SFTPD: variants seen among roughly 807,000 people sequenced by gnomAD.
SFTPD encodes surfactant protein D.
SFTPD carries 18 observed loss-of-function variants against 34.6 expected under a neutral mutation model. That is an observed-to-expected ratio of 0.52 (90% CI 0.36 to 0.77). The LOEUF is 0.77. Among genes scored for constraint, SFTPD ranks in the 30% least tolerant of loss-of-function variants. The probability of loss-of-function intolerance (pLI) is 0.00; values close to 1 mark genes in which losing one functional copy is unlikely to be tolerated. For synonymous variants in SFTPD, 155 were observed against 180.9 expected (o/e 0.86, Z 1.15); for missense variants, 433 against 468.9 (o/e 0.92, Z 0.71).
intron 1 of SFTPD, among the ~76,000 whole-genome samples, chr10:79,975,318 A>C (rs7476563): frequency 0.67 from 101,113 of 151,940 alleles, 34,670 homozygotes; most frequent in African/African-American, 0.84. Context: ...GGTAAATAAA[A>C]CTGCTCTGTA....
At chr10:79,975,593 C>G (rs959801548) in intron 1 of SFTPD, among the ~76,000 whole-genome samples, 3 of 152,122 alleles carry the variant, frequency 2.0e-5, no homozygotes, top group African/African-American at 7.2e-5. Context: ...CCAGCTCAGT[C>G]GGGGAGACCC....
chr10:79,947,388 T>G (rs1215665324), intron 1 of SFTPD, among the ~76,000 whole-genome samples: 1 of 152,052 alleles, frequency 6.6e-6, no homozygotes, highest in Non-Finnish European at 1.5e-5. Flanking sequence ...CTGAGAGGGT[T>G]TGGAAAAGAA....
chr10:79,952,018 G>C (rs1049317683), upstream of SFTPD, among the ~76,000 whole-genome samples: 1 of 152,202 alleles, frequency 6.6e-6, no homozygotes, highest in African/African-American at 2.4e-5. Flanking sequence ...CCTTGTCCCG[G>C]AGCTTGTGAC....
At position 79,942,454 on chromosome 10, in the gene SFTPD, G is replaced by C. The variant is rs17878336; in HGVS notation, c.367C>G (p.Leu123Val). The change falls in exon 4 of 8, where the codon CTG (leucine) becomes GTG (valine). Residue 123 changes from leucine (L) to valine (V), a missense_variant. By Grantham distance (32) the Leu-to-Val change is conservative (BLOSUM62 1). Transcript: ENST00000372292. ...VPGPAGREGPLGKQGNIGPQG... is the reference protein window; with the variant it reads ...VPGPAGREGPVGKQGNIGPQG... ...GGTCCTATGTTCCCCTGCTTCCCCA[G>C]GGGACCTTCTCTTCCAGCTGGACCA... 0.034 allele frequency: 54,526 copies of C among 1,613,350 alleles called. 1,112 individuals are homozygous for C. The highest frequency in any genetic ancestry group is 0.04 in the Non-Finnish European group (46,845 of 1,179,412).
chr10:79,963,495 GC>G (rs1842786867), intron 1 of SFTPD, among the ~76,000 whole-genome samples: 1 of 152,080 alleles, frequency 6.6e-6, no homozygotes, highest in South Asian at 2.1e-4. Flanking sequence ...TAGCATAAGT[GC>G]TAATTCTAAA....
intron 1 of SFTPD, 25 bp downstream of exon 1, chr10:79,949,041 A>G (rs1243016970): frequency 6.6e-6 from 1 of 152,240 alleles, no homozygotes; most frequent in Non-Finnish European, 1.5e-5. Context: ...GAAAATAAAA[A>G]GAAGGCAAGA....
Position 79,966,861 on chromosome 10 carries a change from T to A in SFTPD, c.36+15714A>T, listed in dbSNP as rs573446328. ...AGGGAATCCTTTCCCCATTGCTTGT[T>A]TTTCTCAGGTTTGTCTTTGAAAACT... On this transcript the variant is annotated intron_variant, in intron 1 of 5. Coordinates refer to the SFTPD transcript ENST00000444384. 1.1e-4 allele frequency among the ~76,000 whole-genome samples: 16 copies of A among 147,872 alleles called. 2 individuals are homozygous for A. The highest frequency in any genetic ancestry group is 4.1e-4 in the African/African-American group (16 of 39,256).
chr10:79,954,092 T>C (rs1274682150), upstream of SFTPD, among the ~76,000 whole-genome samples: 2 of 152,218 alleles, frequency 1.3e-5, no homozygotes, highest in Non-Finnish European at 2.9e-5. Context: ...ATTGCCTTTC[T>C]GTGTTCTCCT....
At chr10:79,940,679 G>C (rs1842601795) in intron 7 of SFTPD, 26 bp downstream of exon 7, 1 of 1,467,854 alleles carries the variant, frequency 6.8e-7, no homozygotes, top group Admixed American at 1.7e-5. Flanking sequence ...CCAGTGCTGG[G>C]TCCAGGTTCA....
Position 79,962,846 on chromosome 10 carries a change from A to G in SFTPD, c.37-16184T>C, listed in dbSNP as rs199802535. Among the ~76,000 whole-genome samples, 3 of 152,246 alleles carry G rather than the reference A, an allele frequency of 2.0e-5. No individual in the cohort carries two copies. In the East Asian group the frequency reaches 5.8e-4, roughly 29 times the overall value. ...ACCCACTCTTTTTTAGAGCAGTATA[A>G]TTTTGCCTGGTGTAAATTTATCAAA... On this transcript the variant is annotated intron_variant, in intron 1 of 5. Coordinates refer to the SFTPD transcript ENST00000444384.
chr10:79,946,785 G>A (rs894232597), intron 1 of SFTPD, 123 bp from the exon 2 acceptor site: 4 of 838,746 alleles, frequency 4.8e-6, no homozygotes, highest in Non-Finnish European at 7.5e-6. Flanking sequence ...CTGCTATGGG[G>A]CCTAGAGCAG....
chr10:79,942,191 C>T (rs1356550485), intron 4 of SFTPD, 121 bp from the exon 5 acceptor site: 11 of 795,016 alleles, frequency 1.4e-5, no homozygotes, highest in Non-Finnish European at 2.3e-5. Context: ...GGGAGACTCT[C>T]CTTGCTTTCT....
chr10:79,949,856 ATT>A (rs5786427), upstream of SFTPD, among the ~76,000 whole-genome samples: 36 of 146,174 alleles, frequency 2.5e-4, no homozygotes, highest in East Asian at 4.0e-4. Context: ...GTCTGTATGT[ATT>A]TTTTTTTTTT....
chr10:79,979,238 T>A lies in SFTPD; in HGVS notation c.36+3337A>T, dbSNP rs185045666. On this transcript the variant is annotated intron_variant, in intron 1 of 5. Coordinates refer to the SFTPD transcript ENST00000444384. ...AAAACAATAAAACATTGATAAAAAA[T>A]TGAATCAGGAAGCAGAGCAAGATGG... Among the ~76,000 whole-genome samples the A allele has an allele frequency of 9.2e-4, 140 of 152,108 alleles. 1 individual carries two copies. Among genetic ancestry groups the A allele is most frequent in the African/African-American group, 3.1e-3 (129 of 41,494 alleles).
At chr10:79,956,757 C>A (rs1423411527) in intron 1 of SFTPD, among the ~76,000 whole-genome samples, 1 of 152,204 alleles carries the variant, frequency 6.6e-6, no homozygotes, top group African/African-American at 2.4e-5. Context: ...ATAGCAGTAA[C>A]CTCTGCAGAC....
chr10:79,951,974 G>C (rs916007824), upstream of SFTPD, among the ~76,000 whole-genome samples: 1 of 152,232 alleles, frequency 6.6e-6, no homozygotes, highest in African/African-American at 2.4e-5. Flanking sequence ...CACATCCTGG[G>C]AAGGCAGGAA....
At chr10:79,951,586 A>G (rs933637689), upstream of SFTPD, among the ~76,000 whole-genome samples, 28 of 152,246 alleles carry the variant, frequency 1.8e-4, no homozygotes, top group African/African-American at 6.8e-4. Flanking sequence ...GGGGCTGGGA[A>G]TGTGGAAGTC....
chr10:79,940,440 C>T (rs1842599425), intron 7 of SFTPD, among the ~76,000 whole-genome samples: 1 of 152,212 alleles, frequency 6.6e-6, no homozygotes, highest in African/African-American at 2.4e-5. Context: ...CCACATCCTC[C>T]TCCTTTGCCC....
upstream of SFTPD, chr10:79,951,046 G>GT (rs1842707061): frequency 6.6e-6 from 1 of 151,512 alleles, no homozygotes; most frequent in Non-Finnish European, 1.5e-5. Flanking sequence ...TTTGGTTTTT[G>GT]TTTTTTAATC....
Sources: gnomAD v4.1 joint callset for allele counts (sites outside exome capture counted in the v4.1 genomes callset) on GRCh38, gnomAD v4.1.1 for gene constraint, MANE v1.5 for transcripts, NCBI Gene and HGNC (gene_info 2026-07-23, HGNC 2026-07-21) for gene names.